The following GRIK2 variants were observed in gnomAD, a reference collection of about 807,000 sequenced individuals.
GRIK2 encodes glutamate ionotropic receptor kainate type subunit 2.
A neutral mutation model predicts 100.3 loss-of-function variants in GRIK2; 32 were observed. The observed-to-expected ratio is 0.32, with a 90% CI of 0.24 to 0.43. GRIK2 has a LOEUF of 0.43. Ranked by LOEUF, GRIK2 falls within the 20% of genes least tolerant of loss-of-function variation. The probability of loss-of-function intolerance (pLI) is 1.00; values close to 1 mark genes in which losing one functional copy is unlikely to be tolerated. For synonymous variants in GRIK2, 417 were observed against 389.4 expected (o/e 1.07, Z -0.83); for missense variants, 843 against 1,114.9 (o/e 0.76, Z 3.47).
intron 14 of GRIK2, among the ~76,000 whole-genome samples, chr6:101,948,136 A>G (rs1791386429): frequency 6.6e-6 from 1 of 152,110 alleles, no homozygotes; most frequent in Non-Finnish European, 1.5e-5. Flanking sequence ...TTTTTAGAGA[A>G]GTTTTACAAA....
At chr6:101,425,114 C>T (rs1174952232) in intron 2 of GRIK2, among the ~76,000 whole-genome samples, 3 of 151,972 alleles carry the variant, frequency 2.0e-5, no homozygotes, top group Admixed American at 6.6e-5. Flanking sequence ...TGAATAGTGC[C>T]GCAGTAAACA....
intron 4 of GRIK2, among the ~76,000 whole-genome samples, chr6:101,634,403 T>C (rs1057403578): frequency 3.3e-5 from 5 of 152,108 alleles, no homozygotes; most frequent in African/African-American, 1.2e-4. Context: ...TGTCTGCTTC[T>C]TAACATATGA....
chr6:101,837,375 A>AAACTATTT (rs1783196174), intron 10 of GRIK2, among the ~76,000 whole-genome samples: 1 of 152,154 alleles, frequency 6.6e-6, no homozygotes, highest in African/African-American at 2.4e-5. Context: ...AAACCTGTTG[A>AAACTATTT]GAGATTAGAT....
chr6:101,555,960 A>T (rs1441241356), intron 2 of GRIK2, among the ~76,000 whole-genome samples: 3 of 152,132 alleles, frequency 2.0e-5, no homozygotes, highest in Non-Finnish European at 4.4e-5. Flanking sequence ...GAAAGAAGAC[A>T]ATAAGACCAA....
intron 5 of GRIK2, among the ~76,000 whole-genome samples, chr6:101,678,348 A>C (rs1344654673): frequency 6.6e-6 from 1 of 152,130 alleles, no homozygotes; most frequent in Non-Finnish European, 1.5e-5. Context: ...CTTTGTTTGC[A>C]AAAGGAAAAC....
rs1400066568 is a variant in GRIK2, at chr6:101,465,081, C to T, written c.115+65689C>T. Among the ~76,000 whole-genome samples, 4 of 152,100 alleles carry T rather than the reference C, an allele frequency of 2.6e-5. 1 individual carries two copies. In the East Asian group the frequency reaches 7.7e-4, roughly 29 times the overall value. On this transcript the variant is annotated intron_variant, in intron 2 of 16. Transcript: ENST00000369134. ...CTGAAAGCGAAGGATCTTGACTTTC[C>T]TTGGATAATTTTTTTTGCCTGCTGA...
chr6:102,036,230 A>AACAC lies in GRIK2; in HGVS notation c.2311+692_2311+695dup, dbSNP rs775417100. Among the ~76,000 whole-genome samples, 1,369 of 146,282 alleles carry AACAC rather than the reference A, an allele frequency of 9.4e-3. 14 individuals are homozygous for AACAC. Among genetic ancestry groups the AACAC allele is most frequent in the Middle Eastern group, 0.014 (4 of 290 alleles). On this transcript the variant is annotated intron_variant, in intron 15 of 16. Transcript: ENST00000369134. Reference sequence around the variant, plus strand: ...TATGTATATGATGGTGCCGTAAGTAAACACACACACACACACACACACACA... The same window carrying AACAC: ...TATGTATATGATGGTGCCGTAAGTAAACACACACACACACACACACACACACACA...
intron 2 of GRIK2, among the ~76,000 whole-genome samples, chr6:101,532,944 A>C (rs527603543): frequency 1.3e-5 from 2 of 152,002 alleles, no homozygotes; most frequent in African/African-American, 4.8e-5. Context: ...ACATAGAGGA[A>C]AGGGATATGA....
At chr6:101,773,505 ACTAGT>A (rs918505894) in intron 7 of GRIK2, among the ~76,000 whole-genome samples, 2 of 151,690 alleles carry the variant, frequency 1.3e-5, no homozygotes, top group African/African-American at 2.4e-5. Context: ...GAAAAAAAAA[ACTAGT>A]GAAGAGATGG....
At chr6:101,753,640 G>A (rs527849388) in intron 7 of GRIK2, among the ~76,000 whole-genome samples, 1 of 151,778 alleles carries the variant, frequency 6.6e-6, no homozygotes, top group Non-Finnish European at 1.5e-5. Context: ...TAACCAGTTA[G>A]GTTTTATATT....
chr6:101,557,020 T>A (rs376340558), intron 2 of GRIK2, among the ~76,000 whole-genome samples: 3 of 151,718 alleles, frequency 2.0e-5, no homozygotes, highest in Admixed American at 2.0e-4. Context: ...TAAAGCTGTT[T>A]AAAAAAAAAC....
At chr6:101,621,270 T>C (rs1359450621) in intron 2 of GRIK2, among the ~76,000 whole-genome samples, 1 of 152,142 alleles carries the variant, frequency 6.6e-6, no homozygotes, top group Non-Finnish European at 1.5e-5. Flanking sequence ...CTGGGCAATA[T>C]AGTGAAACCC....
At chr6:101,619,824 T>G (rs1482405332) in intron 2 of GRIK2, among the ~76,000 whole-genome samples, 1 of 152,134 alleles carries the variant, frequency 6.6e-6, no homozygotes, top group African/African-American at 2.4e-5. Context: ...AGAAAACTAC[T>G]AGTTTGTAGT....
chr6:101,507,273 G>A (rs1774072314), intron 2 of GRIK2, among the ~76,000 whole-genome samples: 1 of 152,054 alleles, frequency 6.6e-6, no homozygotes, highest in South Asian at 2.1e-4. Context: ...GATTTTAATA[G>A]ATGTGCTAAT....
At chr6:101,811,855 G>A (rs1184176598) in intron 9 of GRIK2, among the ~76,000 whole-genome samples, 1 of 151,294 alleles carries the variant, frequency 6.6e-6, no homozygotes, top group East Asian at 1.9e-4. Context: ...AAACAATAAA[G>A]AAGCAACTAA....
chr6:101,568,057 A>G (rs1430553485), intron 2 of GRIK2, among the ~76,000 whole-genome samples: 1 of 152,016 alleles, frequency 6.6e-6, no homozygotes, highest in East Asian at 1.9e-4. Context: ...TCTTGGGAGA[A>G]TTGTATAGAA....
intron 2 of GRIK2, among the ~76,000 whole-genome samples, chr6:101,428,987 T>G (rs1769224730): frequency 6.6e-6 from 1 of 152,244 alleles, no homozygotes. Flanking sequence ...TTTGAAAAAT[T>G]CAATGACTTT....
chr6:101,847,633 C>G (rs1783887458), intron 10 of GRIK2, among the ~76,000 whole-genome samples: 1 of 152,112 alleles, frequency 6.6e-6, no homozygotes, highest in Admixed American at 6.6e-5. Context: ...TATATTGGGG[C>G]ACTCCTTTAC....
chr6:101,481,853 G>T (rs1156328520), intron 2 of GRIK2, among the ~76,000 whole-genome samples: 1 of 152,098 alleles, frequency 6.6e-6, no homozygotes, highest in African/African-American at 2.4e-5. Flanking sequence ...AATCATAGAG[G>T]CAGTTTCCCC....
Sources: gnomAD v4.1 joint callset for allele counts (sites outside exome capture counted in the v4.1 genomes callset) on GRCh38, gnomAD v4.1.1 for gene constraint, MANE v1.5 for transcripts, NCBI Gene and HGNC (gene_info 2026-07-23, HGNC 2026-07-21) for gene names.